The following KAT2A variants were observed in gnomAD, a reference collection of about 807,000 sequenced individuals.
The protein encoded by KAT2A is histone acetyltransferase KAT2A.
KAT2A carries 42 observed loss-of-function variants against 95.2 expected under a neutral mutation model. That is an observed-to-expected ratio of 0.44 (90% confidence interval 0.34 to 0.57). The LOEUF (loss-of-function observed/expected upper bound fraction) is 0.57. Ranked by LOEUF, KAT2A falls within the 20% of genes least tolerant of loss-of-function variation. KAT2A has a pLI of 0.01. For synonymous variants in KAT2A, 449 were observed against 448.2 expected (o/e 1.00, Z -0.02); for missense variants, 784 against 1,126.3 (o/e 0.70, Z 4.35).
Position 42,120,832 on chromosome 17 carries a change from G to A in KAT2A, c.340-3C>T. ...TTACACTTACAGGTTTCATTGGCCT[G>A]GAGGTGGAAGGATCAGTCAATGACC... On this transcript the variant is annotated splice_polypyrimidine_tract_variant and splice_region_variant and intron_variant, in intron 1 of 17. Coordinates refer to ENST00000225916, the MANE Select transcript of KAT2A (RefSeq NM_021078.3). 1 of 1,607,738 alleles carries A rather than the reference G, an allele frequency of 6.2e-7. No homozygotes were observed. Among genetic ancestry groups the A allele is most frequent in the Non-Finnish European group, 8.5e-7 (1 of 1,176,680 alleles).
chr17:42,121,024 A>G lies in KAT2A; in HGVS notation c.281T>C (p.Val94Ala), dbSNP rs1555667213. The G allele has an allele frequency of 2.5e-6, 4 of 1,594,344 alleles. No homozygotes were observed. The South Asian group carries it at 4.5e-5, about 18-fold the overall frequency. Residue 94 changes from valine to alanine, a missense_variant, in exon 1 of 18, where the codon GTC (valine) becomes GCC (alanine). Val to Ala is a moderately conservative substitution (Grantham distance 64, BLOSUM62 0). Coordinates refer to ENST00000225916, the MANE Select transcript of KAT2A (RefSeq NM_021078.3). ...CTTCTTGGCGCGCGGCAGCCCCCGGACTTGCGCCTTCCTCTGACTGGCGCG... is the reference window on the plus strand; with the variant it reads ...CTTCTTGGCGCGCGGCAGCCCCCGGGCTTGCGCCTTCCTCTGACTGGCGCG... ...QQRASQRKAQ[V>A]RGLPRAKKLE...
At chr17:42,120,435 C>T (rs1201228662) in intron 2 of KAT2A, 65 bp from the exon 3 acceptor site, 1 of 1,545,338 alleles carries the variant, frequency 6.5e-7, no homozygotes, top group African/African-American at 1.4e-5. Flanking sequence ...TCTTGACCCT[C>T]TTCACAGCCA....
chr17:42,117,528 G>A lies in KAT2A; in HGVS notation c.1497C>T (p.Ile499=), dbSNP rs1377734266. ...GTGAGTTGCCGATGACATGGAACTC[G>A]ATGATGCCGCGGCGCTCCTCCAGGC... ...TARLEERRGI[I]EFHVIGNSLT... Residue 499 remains isoleucine (I), a synonymous_variant, in exon 10 of 18, where the codon ATC becomes ATT. Transcript: ENST00000225916. The surrounding 1 kb of genome is among the most constrained non-coding windows in gnomAD (Gnocchi z 8.9). 4 of 1,613,420 alleles carry A rather than the reference G, an allele frequency of 2.5e-6. No individual in the cohort carries two copies. The highest frequency in any genetic ancestry group is 1.7e-5 in the Admixed American group (1 of 60,006).
Position 42,113,808 on chromosome 17 carries a change from G to A in KAT2A, c.2355C>T (p.Arg785=), listed in dbSNP as rs782125673. Residue 785 remains arginine, a synonymous_variant, in exon 18 of 18, where the codon CGC becomes CGT. Coordinates refer to ENST00000225916, the MANE Select transcript of KAT2A (RefSeq NM_021078.3). The stretch of plus-strand genomic sequence containing the variant: ...CAAAGAGCTTCCGGGTCACGTAGTA[G>A]CGGCTTCGCAGCCGCTCAGTCATGG... ...LKTMTERLRS[R]YYVTRKLFVA... is the part of the protein sequence containing the mutation. 2.5e-6 allele frequency: 4 copies of A among 1,601,318 alleles called. No individual in the cohort carries two copies. Among genetic ancestry groups the A allele is most frequent in the Non-Finnish European group, 3.4e-6 (4 of 1,175,836 alleles).
In KAT2A at chr17:42,115,642, C is replaced by G. The variant is rs2054247163; in HGVS notation, c.1875+81G>C. ...TGAAGTAGGGGACGCAAAGGGACTCCTACTCCATCCACAGAGGGGCTGGAC... is the reference window on the plus strand; with the variant it reads ...TGAAGTAGGGGACGCAAAGGGACTCGTACTCCATCCACAGAGGGGCTGGAC... On this transcript the variant is annotated intron_variant, in intron 12 of 17. Transcript: ENST00000225916. The G allele has an allele frequency of 3.4e-6, 3 of 880,864 alleles. No homozygotes were observed. The South Asian group carries it at 4.0e-5, about 12-fold the overall frequency. 54.6% of individuals were successfully genotyped at this position (880,864 alleles called of 1,614,324 possible). A position where few individuals can be genotyped will look rare whatever the true frequency, so the allele number is the denominator to read the frequency against.
chr17:42,119,336 C>G lies in KAT2A; in HGVS notation c.982G>C (p.Val328Leu). The change falls in exon 6 of 18, where the codon GTT becomes CTT. Residue 328 changes from valine to leucine, a missense_variant. Around this residue, in one of 6 missense-constraint regions of KAT2A, gnomAD observed 208 missense variants for 339.7 expected, o/e 0.61. Coordinates refer to ENST00000225916, the MANE Select transcript of KAT2A (RefSeq NM_021078.3). The surrounding 1 kb of genome is among the most constrained non-coding windows in gnomAD (Gnocchi z 5.3). ...TTTTCCAGCAGCTGCCGGCGGGTAA[C>G]GGTGAAAATGGACCGGAGAAGGCTT... Reference protein sequence around the residue: ...GRSLLRSIFTVTRRQLLEKFR... With the variant: ...GRSLLRSIFTLTRRQLLEKFR... The G allele has an allele frequency of 1.2e-6, 2 of 1,614,040 alleles. No individual in the cohort carries two copies. Among genetic ancestry groups the G allele is most frequent in the South Asian group, 1.1e-5 (1 of 91,080 alleles).
chr17:42,118,205 G>A, intron 7 of KAT2A, 92 bp downstream of exon 7: 1 of 1,054,000 alleles, frequency 9.5e-7, no homozygotes, highest in East Asian at 2.4e-5. Context: ...GTGGGATCCA[G>A]GGCCTCCGGC....
rs1214095801 is a variant in KAT2A, at chr17:42,119,787, A to T, written c.700-69T>A. ...AGCAGCCCGCAGGGCCTTCTTAGAC[A>T]AAGGAAGATGCTCCCTGGCCAGGGA... On this transcript the variant is annotated intron_variant, in intron 4 of 17. Transcript: ENST00000225916. This position sits in a 1 kb window ranked among gnomAD's most constrained non-coding sequence, Gnocchi z 5.3. The T allele has an allele frequency of 6.7e-6, 9 of 1,338,602 alleles. No individual in the cohort carries two copies. Among genetic ancestry groups the T allele is most frequent in the Non-Finnish European group, 9.2e-6 (9 of 974,096 alleles). 82.9% of individuals were successfully genotyped at this position (1,338,602 alleles called of 1,614,324 possible).
Position 42,113,446 on chromosome 17 carries a change from TCACA to T in KAT2A, c.*199_*202del. ...GCTGGGCCCCAACCCAGGAGACCTC[TCACA>T]CACAGTGAAGGCTGGGACAGAGCTG... On this transcript the variant is annotated 3_prime_UTR_variant, in exon 18 of 18. Transcript: ENST00000225916. The T allele has an allele frequency of 1.9e-6, 1 of 513,714 alleles. No homozygotes were observed. Among genetic ancestry groups the T allele is most frequent in the Non-Finnish European group, 3.4e-6 (1 of 296,394 alleles). 31.8% of individuals were successfully genotyped at this position (513,714 alleles called of 1,614,324 possible).
chr17:42,117,016 G>T lies in KAT2A; in HGVS notation c.1764+19C>A. The T allele has an allele frequency of 6.2e-7, 1 of 1,612,958 alleles. No individual in the cohort carries two copies. ...GAGTGGGCCGTGGACTGGGGCTGGGGCCGGGGAGCCGCGCTCACCTTGACC... is the reference window on the plus strand; with the variant it reads ...GAGTGGGCCGTGGACTGGGGCTGGGTCCGGGGAGCCGCGCTCACCTTGACC... On this transcript the variant is annotated intron_variant, in intron 11 of 17. Transcript: ENST00000225916. This position sits in a 1 kb window ranked among gnomAD's most constrained non-coding sequence, Gnocchi z 8.9.
rs782291640 is a variant in KAT2A at position 42,117,365 on chromosome 17, G to A, written c.1637+23C>T. On this transcript the variant is annotated intron_variant, in intron 10 of 17. Coordinates refer to ENST00000225916, the MANE Select transcript of KAT2A (RefSeq NM_021078.3). This position sits in a 1 kb window ranked among gnomAD's most constrained non-coding sequence, Gnocchi z 8.9. ...GGGAACTGGGTGTGCTGCCCTGGGG[G>A]AGGGGCTCTCTGGGGGACGCACGGG... 2 of 1,610,496 alleles carry A rather than the reference G, an allele frequency of 1.2e-6. No homozygotes were observed. Among genetic ancestry groups the A allele is most frequent in the African/African-American group, 2.7e-5 (2 of 74,880 alleles).
In KAT2A at chr17:42,117,465, G is replaced by A. The variant is rs537910665; in HGVS notation, c.1560C>T (p.Leu520=). Residue 520 remains leucine, a synonymous_variant, in exon 10 of 18, where the codon CTC becomes CTT. Transcript: ENST00000225916. This position sits in a 1 kb window ranked among gnomAD's most constrained non-coding sequence, Gnocchi z 8.9. ...PKANRRVLLW[L]VGLQNVFSHQ... is the part of the protein sequence containing the mutation. Reference sequence around the variant, plus strand: ...GGGAAAAGACATTCTGCAGCCCCACGAGCCACAGCAACACCCGCCGGTTGG... The same window carrying A: ...GGGAAAAGACATTCTGCAGCCCCACAAGCCACAGCAACACCCGCCGGTTGG... The A allele has an allele frequency of 2.5e-6, 4 of 1,613,288 alleles. No homozygotes were observed. Among genetic ancestry groups the A allele is most frequent in the African/African-American group, 1.3e-5 (1 of 74,934 alleles).
intron 1 of KAT2A, 43 bp downstream of exon 1, chr17:42,120,923 G>A: frequency 2.6e-6 from 4 of 1,554,112 alleles, no homozygotes; most frequent in Non-Finnish European, 3.5e-6. Flanking sequence ...AGAGCCCTGG[G>A]ATGCCCCAAG....
In KAT2A at chr17:42,119,350, CGGA is replaced by C; in HGVS notation, c.965_967del (p.Leu322del). The C allele has an allele frequency of 6.2e-7, 1 of 1,614,056 alleles. No individual in the cohort carries two copies. The highest frequency in any genetic ancestry group is 8.5e-7 in the Non-Finnish European group (1 of 1,179,984). Reference sequence around the variant, plus strand: ...CCGGCGGGTAACGGTGAAAATGGACCGGAGAAGGCTTCGCCCAAAGACATGAGT... The same window carrying C: ...CCGGCGGGTAACGGTGAAAATGGACCGAAGGCTTCGCCCAAAGACATGAGT... On this transcript the variant is annotated inframe_deletion, in exon 6 of 18. Transcript: ENST00000225916. This position sits in a 1 kb window ranked among gnomAD's most constrained non-coding sequence, Gnocchi z 5.3.
rs1555665654 is a variant in KAT2A at position 42,114,949 on chromosome 17, C to T, written c.1962G>A (p.Glu654=). ...CCGTGTAGGGGATGCGGGGATTCAG[C>T]TCACACTCCATCAGCGTCGCTCCCT... ...DYEGATLMEC[E]LNPRIPYTEL... Residue 654 remains glutamate (E), a synonymous_variant, in exon 13 of 18, where the codon GAG becomes GAA. Coordinates refer to ENST00000225916, the MANE Select transcript of KAT2A (RefSeq NM_021078.3). The surrounding 1 kb of genome is among the most constrained non-coding windows in gnomAD (Gnocchi z 6.0). 1 of 1,614,084 alleles carries T rather than the reference C, an allele frequency of 6.2e-7. No homozygotes were observed.
chr17:42,120,401 T>C (rs1426391756), intron 2 of KAT2A, 31 bp from the exon 3 acceptor site: 8 of 1,611,780 alleles, frequency 5.0e-6, no homozygotes, highest in South Asian at 1.1e-5. Context: ...TTAGGAAAAA[T>C]TGATAGAAGA....
In KAT2A at chr17:42,114,261, G is replaced by T. The variant is rs1020267689; in HGVS notation, c.2193C>A (p.Asp731Glu). ...KEKGKELKDP[D>E]QLYTTLKNLL... ...GGTTTTTGAGGGTTGTGTAGAGCTG[G>T]TCGGGGTCCTTCAGCTCCTTCCTGG... Residue 731 changes from aspartate (D) to glutamate (E), a missense_variant, in exon 16 of 18, where the codon GAC becomes GAA. Coordinates refer to ENST00000225916, the MANE Select transcript of KAT2A (RefSeq NM_021078.3). The surrounding 1 kb of genome is among the most constrained non-coding windows in gnomAD (Gnocchi z 6.0). 6.2e-7 allele frequency: 1 copy of T among 1,609,240 alleles called. No homozygotes were observed. The highest frequency in any genetic ancestry group is 1.1e-5 in the South Asian group (1 of 90,618).
At chr17:42,116,242 G>C (rs916709999) in intron 11 of KAT2A, among the ~76,000 whole-genome samples, 3 of 152,162 alleles carry the variant, frequency 2.0e-5, no homozygotes, top group Admixed American at 1.3e-4. Flanking sequence ...CTCAGAGTTG[G>C]GAGAAGCGGG....
At chr17:42,116,916 G>T (rs2054266227) in intron 11 of KAT2A, 119 bp downstream of exon 11, 2 of 1,244,522 alleles carry the variant, frequency 1.6e-6, no homozygotes, top group Non-Finnish European at 2.3e-6. Flanking sequence ...GTGAGGAACG[G>T]GCCGCTAACT....
Sources: gnomAD v4.1 joint callset for allele counts (sites outside exome capture counted in the v4.1 genomes callset) on GRCh38, gnomAD v4.1.1 for gene constraint, gnomAD v4.1.1 regional missense constraint, Gnocchi (gnomAD v3.1) non-coding constraint, MANE v1.5 for transcripts, NCBI Gene and HGNC (gene_info 2026-07-23, HGNC 2026-07-21) for gene names.